Variants in PXDNL observed in about 807,000 individuals in gnomAD.
The protein encoded by PXDNL is peroxidasin like.
A neutral mutation model predicts 150.8 loss-of-function variants in PXDNL; 145 were observed. The observed-to-expected ratio is 0.96, with a 90% CI of 0.84 to 1.10. The LOEUF is 1.10. PXDNL is among the 50% of genes least tolerant of loss of function. The probability of loss-of-function intolerance (pLI) is 0.00; values close to 1 mark genes in which losing one functional copy is unlikely to be tolerated. For missense variants in PXDNL, 2,087 were observed against 1,873.9 expected, an observed-to-expected ratio of 1.11 and a Z score of -2.10; for synonymous variants, 757 against 725.7, an observed-to-expected ratio of 1.04 and a Z score of -0.69.
chr8:51,346,679 A>T (rs1806170345), intron 19 of PXDNL, among the ~76,000 whole-genome samples: 1 of 152,026 alleles, frequency 6.6e-6, no homozygotes, highest in Non-Finnish European at 1.5e-5. Flanking sequence ...GAGTTCTTGG[A>T]GATCTGTCGT....
intron 4 of PXDNL, among the ~76,000 whole-genome samples, chr8:51,553,161 C>A (rs1264998478): frequency 4.6e-5 from 7 of 152,226 alleles, no homozygotes; most frequent in Admixed American, 3.9e-4. Context: ...AGGGGTTGGG[C>A]CCCCAAGGCC....
intron 17 of PXDNL, among the ~76,000 whole-genome samples, chr8:51,376,910 G>A (rs1034217254): frequency 2.0e-5 from 3 of 151,928 alleles, no homozygotes; most frequent in Non-Finnish European, 2.9e-5. Flanking sequence ...AGTAGAGACG[G>A]GGTTTCACCG....
chr8:51,597,477 A>G (rs1052469225), intron 2 of PXDNL, among the ~76,000 whole-genome samples: 11 of 152,132 alleles, frequency 7.2e-5, no homozygotes, highest in Non-Finnish European at 2.9e-5. Flanking sequence ...CATTGAATCT[A>G]TAGGTCACTT....
At chr8:51,577,923 AAAAGAAAGAAAGAAAG>A (rs1234489822) in intron 3 of PXDNL, among the ~76,000 whole-genome samples, 593 of 42,330 alleles carry the variant, frequency 0.014, 15 homozygotes, top group Admixed American at 0.019. Context: ...GAAAAGAAAG[AAAAGAAAGAAAGAAAG>A]AAAGAAAGAA....
intron 1 of PXDNL, among the ~76,000 whole-genome samples, chr8:51,789,798 AG>A (rs1267109270): frequency 6.6e-6 from 1 of 152,186 alleles, no homozygotes; most frequent in Non-Finnish European, 1.5e-5. Flanking sequence ...CACACAAAGA[AG>A]CTTAGAGTTT....
chr8:51,618,819 T>C (rs1814181197), intron 2 of PXDNL, among the ~76,000 whole-genome samples: 1 of 152,198 alleles, frequency 6.6e-6, no homozygotes, highest in Non-Finnish European at 1.5e-5. Context: ...GTACAATTGT[T>C]CTGAGTGGTG....
At chr8:51,373,243 G>A (rs1807184250) in intron 18 of PXDNL, among the ~76,000 whole-genome samples, 1 of 152,198 alleles carries the variant, frequency 6.6e-6, no homozygotes, top group Non-Finnish European at 1.5e-5. Context: ...ACCACGTGAA[G>A]ACACAGGGAG....
At chr8:51,643,008 G>A (rs968334837) in intron 2 of PXDNL, among the ~76,000 whole-genome samples, 2 of 152,114 alleles carry the variant, frequency 1.3e-5, no homozygotes, top group Non-Finnish European at 2.9e-5. Context: ...CCTCTTCAAG[G>A]AGAACTACAA....
chr8:51,556,051 C>T lies in PXDNL; in HGVS notation c.380+789G>A, dbSNP rs139293193. Among the ~76,000 whole-genome samples the T allele has an allele frequency of 2.4e-4, 37 of 152,124 alleles. No individual in the cohort carries two copies. In the East Asian group the frequency reaches 6.8e-3, roughly 28 times the overall value. ...CTTTGGGAATCTGAGGCGGGCAGAT[C>T]TCTTGAGGCCAAAAGTTCAAGACCA... On this transcript the variant is annotated intron_variant, in intron 4 of 22. Coordinates refer to ENST00000356297, the MANE Select transcript of PXDNL (RefSeq NM_144651.5).
intron 1 of PXDNL, among the ~76,000 whole-genome samples, chr8:51,736,848 T>C (rs143720049): frequency 6.6e-6 from 1 of 152,278 alleles, no homozygotes; most frequent in East Asian, 1.9e-4. Flanking sequence ...AAAGCAAGAG[T>C]CTTAAAACTA....
At chr8:51,367,036 G>A (rs986069655) in intron 19 of PXDNL, among the ~76,000 whole-genome samples, 3 of 143,388 alleles carry the variant, frequency 2.1e-5, no homozygotes, top group Non-Finnish European at 4.5e-5. Context: ...GGGAGGTGGA[G>A]GTTTCAATAA....
chr8:51,748,848 G>A (rs925110385), intron 1 of PXDNL, among the ~76,000 whole-genome samples: 27 of 152,152 alleles, frequency 1.8e-4, no homozygotes, highest in African/African-American at 6.0e-4. Context: ...GAAACAACCT[G>A]CAAAACTACT....
chr8:51,594,424 A>G (rs139936477), intron 2 of PXDNL, among the ~76,000 whole-genome samples: 5 of 152,370 alleles, frequency 3.3e-5, no homozygotes, highest in Admixed American at 2.6e-4. Flanking sequence ...AGCCACAATT[A>G]GAAACGGAAA....
chr8:51,512,415 A>G (rs1226691988), intron 4 of PXDNL, among the ~76,000 whole-genome samples: 2 of 152,210 alleles, frequency 1.3e-5, no homozygotes, highest in Admixed American at 6.5e-5. Flanking sequence ...AGATATTCCA[A>G]TACGTCCCCC....
chr8:51,440,171 C>T (rs913110189), intron 12 of PXDNL, among the ~76,000 whole-genome samples: 13 of 151,956 alleles, frequency 8.6e-5, no homozygotes, highest in African/African-American at 2.4e-4. Flanking sequence ...AGTGAAGTAA[C>T]TCAGGAATGG....
chr8:51,716,660 C>A (rs1290574580), intron 1 of PXDNL, among the ~76,000 whole-genome samples: 1 of 152,194 alleles, frequency 6.6e-6, no homozygotes, highest in Admixed American at 6.5e-5. Context: ...TTTTGTGTAT[C>A]TAACTCATAT....
intron 1 of PXDNL, among the ~76,000 whole-genome samples, chr8:51,670,316 G>A (rs921502260): frequency 2.0e-5 from 3 of 152,166 alleles, no homozygotes; most frequent in Non-Finnish European, 2.9e-5. Flanking sequence ...CTGACTTAAT[G>A]ATGGGGATAC....
intron 4 of PXDNL, among the ~76,000 whole-genome samples, chr8:51,526,483 T>C (rs1030668558): frequency 2.6e-5 from 4 of 152,168 alleles, no homozygotes; most frequent in East Asian, 3.9e-4. Context: ...CTAGAAGCGA[T>C]GTGAGAAAAA....
At position 51,600,097 on chromosome 8, in the gene PXDNL, T is replaced by C. The variant is rs1813664540; in HGVS notation, c.237-7399A>G. ...TATATAAATGACATCGTTTAGATAA[T>C]AAATTATATCATATAAATTATATCG... On this transcript the variant is annotated intron_variant, in intron 2 of 22. Coordinates refer to ENST00000356297, the MANE Select transcript of PXDNL (RefSeq NM_144651.5). Among the ~76,000 whole-genome samples the C allele has an allele frequency of 3.5e-5, 5 of 141,936 alleles. 1 individual carries two copies. In the South Asian group the frequency reaches 1.2e-3, roughly 33 times the overall value. The allele number at this position is 141,936 out of a possible 152,430, so 93.1% of individuals were successfully genotyped here.
Sources: allele counts gnomAD v4.1 joint callset (sites outside exome capture counted in the v4.1 genomes callset), GRCh38; gene constraint gnomAD v4.1.1; transcripts MANE v1.5; gene names NCBI Gene and HGNC (gene_info 2026-07-23, HGNC 2026-07-21).